Variants in TMCO4 observed in about 807,000 individuals in gnomAD.
TMCO4 encodes the protein transmembrane and coiled-coil domain-containing protein 4.
In TMCO4, 58 loss-of-function variants were observed where a neutral mutation model predicts 64.7. The observed-to-expected ratio is 0.90, with a 90% confidence interval of 0.73 to 1.12. The LOEUF is 1.12. TMCO4 is among the 50% of genes most tolerant of loss of function. The pLI is 0.00. For missense variants in TMCO4, 780 were observed against 825.9 expected, an observed-to-expected ratio of 0.94 and a Z score of 0.68; for synonymous variants, 325 against 346.1, an observed-to-expected ratio of 0.94 and a Z score of 0.68.
chr1:19,759,101 CAAAAAAAAAAAA>C (rs1163885215), intron 6 of TMCO4, among the ~76,000 whole-genome samples: 2 of 21,178 alleles, frequency 9.4e-5, no homozygotes, highest in Non-Finnish European at 2.2e-4. Flanking sequence ...GACTCGGTCT[CAAAAAAAAAAAA>C]AAAAAAAAAA....
chr1:19,788,147 C>G (rs1264149776), intron 2 of TMCO4, among the ~76,000 whole-genome samples: 1 of 152,162 alleles, frequency 6.6e-6, no homozygotes. Flanking sequence ...TGGGAACACC[C>G]TTCTCCTGGA....
intron 15 of TMCO4, among the ~76,000 whole-genome samples, chr1:19,685,043 G>A (rs780918667): frequency 1.4e-4 from 22 of 152,142 alleles, no homozygotes; most frequent in Non-Finnish European, 2.9e-4. Flanking sequence ...AAGACAATTA[G>A]GCCAGGCACA....
chr1:19,761,433 C>T (rs939997779), intron 6 of TMCO4, among the ~76,000 whole-genome samples: 2 of 152,258 alleles, frequency 1.3e-5, no homozygotes, highest in Non-Finnish European at 2.9e-5. Flanking sequence ...CAGGCCCAGA[C>T]TTTTGGATCC....
intron 13 of TMCO4, among the ~76,000 whole-genome samples, chr1:19,705,684 C>A (rs937816764): frequency 1.3e-5 from 2 of 151,750 alleles, no homozygotes; most frequent in African/African-American, 4.8e-5. Flanking sequence ...GATAGGCAGT[C>A]AGAGCCCATT....
chr1:19,739,522 C>G (rs1214822705), intron 12 of TMCO4, among the ~76,000 whole-genome samples: 2 of 152,202 alleles, frequency 1.3e-5, no homozygotes, highest in African/African-American at 2.4e-5. Flanking sequence ...GAATGAAGAG[C>G]TGATACATAG....
rs1216611517 is a variant in TMCO4 at position 19,683,436 on chromosome 1, G to C, written c.1509C>G (p.Gly503=). The change falls in exon 16 of 16, where the codon GGC becomes GGG. Residue 503 remains glycine, a synonymous_variant. Coordinates refer to ENST00000294543, the MANE Select transcript of TMCO4 (RefSeq NM_181719.7). ...CCATCTGCTTGGCATAGTCCAGGTG[G>C]CCGCTGACCTGCAGGAGACAGTGAG... ...ENVDLTSVVS[G]HLDYAKQMDA... 3 of 1,612,548 alleles carry C rather than the reference G, an allele frequency of 1.9e-6. No homozygotes were observed. The highest frequency in any genetic ancestry group is 8.5e-7 in the Non-Finnish European group (1 of 1,180,006).
intron 13 of TMCO4, among the ~76,000 whole-genome samples, chr1:19,713,709 TCAACAACAA>T (rs532380283): frequency 1.3e-3 from 194 of 151,036 alleles, no homozygotes; most frequent in Middle Eastern, 3.4e-3. Context: ...TAAAAATATA[TCAACAACAA>T]CAACAACAAC....
intron 2 of TMCO4, among the ~76,000 whole-genome samples, chr1:19,793,134 C>T (rs189547178): frequency 1.3e-5 from 2 of 152,196 alleles, no homozygotes; most frequent in East Asian, 1.9e-4. Flanking sequence ...TGCCGCCTCT[C>T]CCATGCTGCT....
At chr1:19,761,461 G>A (rs567897330) in intron 6 of TMCO4, among the ~76,000 whole-genome samples, 1 of 152,230 alleles carries the variant, frequency 6.6e-6, no homozygotes, top group Non-Finnish European at 1.5e-5. Flanking sequence ...AGGACCAAAG[G>A]AGCTGGTATC....
intron 13 of TMCO4, among the ~76,000 whole-genome samples, chr1:19,704,715 C>T (rs1039636496): frequency 3.9e-5 from 6 of 152,266 alleles, no homozygotes; most frequent in African/African-American, 1.4e-4. Context: ...GGGCTGGGAC[C>T]CCTTGTGGCC....
At chr1:19,785,454 G>A (rs764581825) in intron 3 of TMCO4, among the ~76,000 whole-genome samples, 1 of 152,108 alleles carries the variant, frequency 6.6e-6, no homozygotes, top group African/African-American at 2.4e-5. Flanking sequence ...GCCACACCCC[G>A]AGCTTTCTGG....
chr1:19,739,453 C>T (rs146384131), intron 12 of TMCO4, among the ~76,000 whole-genome samples: 3 of 152,158 alleles, frequency 2.0e-5, no homozygotes, highest in Admixed American at 1.3e-4. Flanking sequence ...CTGCAAACTG[C>T]GTCAGAGGTT....
At chr1:19,727,336 C>A (rs2095413058) in intron 13 of TMCO4, among the ~76,000 whole-genome samples, 1 of 152,214 alleles carries the variant, frequency 6.6e-6, no homozygotes, top group South Asian at 2.1e-4. Flanking sequence ...CTTTACCAAG[C>A]ACCTACTATG....
intron 15 of TMCO4, among the ~76,000 whole-genome samples, chr1:19,692,451 C>T (rs12071927): frequency 0.2 from 30,143 of 151,654 alleles, 3,437 homozygotes; most frequent in African/African-American, 0.32. Flanking sequence ...TAGGGCAGGC[C>T]GGGTGTGGTG....
intron 13 of TMCO4, among the ~76,000 whole-genome samples, chr1:19,719,930 T>G (rs1570749839): frequency 6.6e-6 from 1 of 151,704 alleles, no homozygotes; most frequent in Middle Eastern, 3.4e-3. Context: ...GAGGTGGAGA[T>G]GCAGTGAGCC....
rs376598396 is a variant in TMCO4 at position 19,734,861 on chromosome 1, C to T, written c.1264+2511G>A. Among the ~76,000 whole-genome samples, 8 of 152,294 alleles carry T rather than the reference C, an allele frequency of 5.3e-5. No individual in the cohort carries two copies. The highest frequency in any genetic ancestry group is 3.3e-4 in the Admixed American group (5 of 15,304). ...AGTTTTCTCATCTGAAGCAGGGAGA[C>T]TGGTGGAACCTCCCTCCTGTGGCTG... is the stretch of plus-strand genomic sequence containing the variant. On this transcript the variant is annotated intron_variant, in intron 13 of 15. Coordinates refer to ENST00000294543, the MANE Select transcript of TMCO4 (RefSeq NM_181719.7). The surrounding 1 kb of genome is among the most constrained non-coding windows in gnomAD (Gnocchi z 4.4).
At position 19,793,738 on chromosome 1, in the gene TMCO4, G is replaced by A. The variant is rs185835871; in HGVS notation, c.-101+4399C>T. ...AGCAGTCTGGAGGAGGGGCAGGAGG[G>A]TGGGGTGACAGTGCCATTGGGGTGG... On this transcript the variant is annotated intron_variant, in intron 2 of 15. Transcript: ENST00000294543. Among the ~76,000 whole-genome samples the A allele has an allele frequency of 9.2e-5, 14 of 152,326 alleles. No homozygotes were observed. The East Asian group carries it at 1.7e-3, about 19-fold the overall frequency.
At chr1:19,688,307 G>A (rs771220618) in intron 15 of TMCO4, among the ~76,000 whole-genome samples, 1 of 152,158 alleles carries the variant, frequency 6.6e-6, no homozygotes, top group African/African-American at 2.4e-5. Context: ...CCCGCACATC[G>A]TGGGGTTTCC....
At chr1:19,735,259 G>A (rs998066663) in intron 13 of TMCO4, among the ~76,000 whole-genome samples, 11 of 152,252 alleles carry the variant, frequency 7.2e-5, no homozygotes, top group Middle Eastern at 3.4e-3. Context: ...TCTCACATTC[G>A]TTATGTCATC....
Sources: allele counts gnomAD v4.1 joint callset (sites outside exome capture counted in the v4.1 genomes callset), GRCh38; gene constraint gnomAD v4.1.1; non-coding constraint Gnocchi (gnomAD v3.1); transcripts MANE v1.5; gene names NCBI Gene and HGNC (gene_info 2026-07-23, HGNC 2026-07-21).